The following ENTPD3 variants were observed in gnomAD, a reference collection of about 807,000 sequenced individuals.
ENTPD3 encodes CD39 antigen-like 3.
Under a neutral mutation model 51.2 loss-of-function variants are expected in ENTPD3, and 60 were observed. The observed-to-expected ratio is 1.17, with a 90% CI of 0.95 to 1.45. The LOEUF (loss-of-function observed/expected upper bound fraction) is 1.45, where lower values mean the gene tolerates loss of function less well. Among genes scored for constraint, ENTPD3 ranks in the 40% most tolerant of loss-of-function variants. The pLI, the probability that ENTPD3 is intolerant of heterozygous loss-of-function variation, is 0.00. For synonymous variants in ENTPD3, 221 were observed against 238.4 expected (o/e 0.93, Z 0.67); for missense variants, 593 against 641.1 (o/e 0.93, Z 0.81).
chr3:40,393,888 C>T (rs1038440868), intron 3 of ENTPD3, among the ~76,000 whole-genome samples: 1 of 151,052 alleles, frequency 6.6e-6, no homozygotes, highest in Non-Finnish European at 1.5e-5. Context: ...ACTAAAAATA[C>T]AAAAAATTAG....
chr3:40,388,223 A>C (rs1157229226), intron 2 of ENTPD3, 126 bp downstream of exon 2: 13 of 853,984 alleles, frequency 1.5e-5, no homozygotes, highest in Non-Finnish European at 2.6e-5. Flanking sequence ...TTTGAGACTC[A>C]GTACTCAGCT....
At position 40,427,648 on chromosome 3, in the gene ENTPD3, G is replaced by C; in HGVS notation, c.*140G>C. 1.5e-6 allele frequency: 1 copy of C among 658,974 alleles called. No individual in the cohort carries two copies. The highest frequency in any genetic ancestry group is 1.8e-5 in the South Asian group (1 of 54,694). The allele number at this position is 658,974 out of a possible 1,614,324, so 40.8% of individuals were successfully genotyped here. A position where few individuals can be genotyped will look rare whatever the true frequency, so the allele number is the denominator to read the frequency against. The stretch of plus-strand genomic sequence containing the variant: ...CTAGGTCACGTGCCTCTCAAATACT[G>C]ATTTCTGCCACAGCACCTCTTGAGG... On this transcript the variant is annotated 3_prime_UTR_variant, in exon 11 of 11. Coordinates refer to ENST00000301825, the MANE Select transcript of ENTPD3 (RefSeq NM_001248.4).
intron 3 of ENTPD3, among the ~76,000 whole-genome samples, chr3:40,398,805 G>C (rs1293392030): frequency 6.6e-6 from 1 of 152,162 alleles, no homozygotes; most frequent in Non-Finnish European, 1.5e-5. Context: ...AAATGTATAG[G>C]ATCAGGAAAT....
At chr3:40,412,989 C>A (rs781434324) in intron 5 of ENTPD3, among the ~76,000 whole-genome samples, 1 of 152,128 alleles carries the variant, frequency 6.6e-6, no homozygotes, top group Non-Finnish European at 1.5e-5. Context: ...CTTTTTCTTT[C>A]TTATAAAAAC....
intron 7 of ENTPD3, among the ~76,000 whole-genome samples, chr3:40,422,352 T>TTTATTA (rs572981213): frequency 5.3e-5 from 8 of 150,284 alleles, no homozygotes; most frequent in East Asian, 1.9e-4. Context: ...ACTTAGAGAT[T>TTTATTA]TTATTATTAT....
At chr3:40,387,983 T>A in intron 1 of ENTPD3, 63 bp from the exon 2 acceptor site, 1 of 1,392,262 alleles carries the variant, frequency 7.2e-7, no homozygotes, top group Non-Finnish European at 1.0e-6. Context: ...CCTGGGCTCG[T>A]TCTTTAAACT....
chr3:40,398,654 A>G (rs1955266833), intron 3 of ENTPD3, among the ~76,000 whole-genome samples: 1 of 152,216 alleles, frequency 6.6e-6, no homozygotes, highest in Non-Finnish European at 1.5e-5. Flanking sequence ...CCAAGTTCAC[A>G]TACCAGTGAA....
chr3:40,424,846 A>G (rs1312691301), intron 10 of ENTPD3: 40 of 697,616 alleles, frequency 5.7e-5, no homozygotes, highest in South Asian at 4.3e-4. Flanking sequence ...GATTAAACCA[A>G]TCAATATCCT....
rs1955511862 is a variant in ENTPD3 at position 40,406,757 on chromosome 3, C to T, written c.287-5055C>T. On this transcript the variant is annotated intron_variant, in intron 4 of 10. Transcript: ENST00000301825. Reference sequence around the variant, plus strand: ...ATTTCTCATCTTTCTTCCAGCCACACTGGCCCCTTGGCTTTTCCTAGAAAA... The same window carrying T: ...ATTTCTCATCTTTCTTCCAGCCACATTGGCCCCTTGGCTTTTCCTAGAAAA... Among the ~76,000 whole-genome samples, 3 of 152,310 alleles carry T rather than the reference C, an allele frequency of 2.0e-5. No homozygotes were observed. In the South Asian group the frequency reaches 6.2e-4, roughly 32 times the overall value.
chr3:40,410,825 C>T (rs1234532968), intron 4 of ENTPD3, among the ~76,000 whole-genome samples: 2 of 151,966 alleles, frequency 1.3e-5, no homozygotes, highest in African/African-American at 4.8e-5. Context: ...TAAGATTGCA[C>T]TGTACCGAAT....
chr3:40,413,318 CTTCAGGTAATAAGT>C (rs1272419546), intron 5 of ENTPD3, among the ~76,000 whole-genome samples: 5 of 152,186 alleles, frequency 3.3e-5, no homozygotes, highest in African/African-American at 1.2e-4. Context: ...TGGGACTTGA[CTTCAGGTAATAAGT>C]TTCAGAACAG....
chr3:40,422,131 T>C lies in ENTPD3; in HGVS notation c.832-719T>C, dbSNP rs574858870. On this transcript the variant is annotated intron_variant, in intron 7 of 10. Coordinates refer to ENST00000301825, the MANE Select transcript of ENTPD3 (RefSeq NM_001248.4). ...TAGCGCTATGCCTGGTACGAGGTAA[T>C]TGTCACACACACACACACACACACA... 1.0e-3 allele frequency among the ~76,000 whole-genome samples: 100 copies of C among 96,322 alleles called. 1 individual carries two copies. Among genetic ancestry groups the C allele is most frequent in the African/African-American group, 1.6e-3 (39 of 23,980 alleles). 63.2% of individuals were successfully genotyped at this position (96,322 alleles called of 152,430 possible). A position where few individuals can be genotyped will look rare whatever the true frequency, so the allele number is the denominator to read the frequency against.
intron 5 of ENTPD3, 34 bp from the exon 6 acceptor site, chr3:40,414,647 G>A (rs1157283364): frequency 1.9e-6 from 3 of 1,610,926 alleles, no homozygotes; most frequent in African/African-American, 1.3e-5. Flanking sequence ...TATTGTCTGG[G>A]CACTCAGACT....
intron 10 of ENTPD3, among the ~76,000 whole-genome samples, chr3:40,426,667 A>G (rs1575237625): frequency 6.6e-6 from 1 of 152,304 alleles, no homozygotes; most frequent in South Asian, 2.1e-4. Flanking sequence ...ATTATCAAAC[A>G]CTACCCAAAA....
chr3:40,415,096 G>A (rs981353700), intron 6 of ENTPD3, among the ~76,000 whole-genome samples: 4 of 152,174 alleles, frequency 2.6e-5, no homozygotes, highest in African/African-American at 9.7e-5. Flanking sequence ...AGAAATTGAA[G>A]GGGGTGGGAT....
intron 5 of ENTPD3, among the ~76,000 whole-genome samples, chr3:40,413,794 G>A (rs927828698): frequency 6.6e-6 from 1 of 152,164 alleles, no homozygotes; most frequent in Non-Finnish European, 1.5e-5. Context: ...GAAACTAGCT[G>A]ATATTTTAAT....
Position 40,423,861 on chromosome 3 carries a change from T to C in ENTPD3, c.1251T>C (p.Tyr417=). 6.2e-7 allele frequency: 1 copy of C among 1,614,170 alleles called. No individual in the cohort carries two copies. Among genetic ancestry groups the C allele is most frequent in the Non-Finnish European group, 8.5e-7 (1 of 1,180,014 alleles). ...TGCTCCCCAAATTTGATGAGGTATATGCCCGCTCTTACTGCTTCTCAGCCA... is the reference window on the plus strand; with the variant it reads ...TGCTCCCCAAATTTGATGAGGTATACGCCCGCTCTTACTGCTTCTCAGCCA... ...PLLLPKFDEV[Y]ARSYCFSANY... Residue 417 remains tyrosine (Y), a synonymous_variant, in exon 10 of 11, where the codon TAT becomes TAC. Coordinates refer to ENST00000301825, the MANE Select transcript of ENTPD3 (RefSeq NM_001248.4).
chr3:40,407,194 CAG>C (rs1038829094), intron 4 of ENTPD3, among the ~76,000 whole-genome samples: 7 of 152,070 alleles, frequency 4.6e-5, no homozygotes, highest in African/African-American at 1.7e-4. Context: ...TCATCTGAGT[CAG>C]GGGAGGCAAA....
chr3:40,412,011 A>G (rs778901182), intron 5 of ENTPD3, 49 bp downstream of exon 5: 1 of 1,512,672 alleles, frequency 6.6e-7, no homozygotes, highest in Non-Finnish European at 8.9e-7. Flanking sequence ...AATAACCAAG[A>G]ATATGTTGAA....
Sources: allele counts gnomAD v4.1 joint callset (sites outside exome capture counted in the v4.1 genomes callset), GRCh38; gene constraint gnomAD v4.1.1; transcripts MANE v1.5; gene names NCBI Gene and HGNC (gene_info 2026-07-23, HGNC 2026-07-21).